The following DCT variants were observed in gnomAD, a reference collection of about 807,000 sequenced individuals.
DCT encodes L-dopachrome tautomerase.
A neutral mutation model predicts 53.0 loss-of-function variants in DCT; 47 were observed. The observed-to-expected ratio is 0.89, with a 90% CI of 0.70 to 1.13. The LOEUF is 1.13. Ranked by LOEUF, DCT falls within the 50% of genes most tolerant of loss-of-function variation. The pLI is 0.00. For missense variants in DCT, 669 were observed against 637.4 expected (o/e 1.05, Z -0.53); for synonymous variants, 244 against 237.0 (o/e 1.03, Z -0.27).
At chr13:94,455,916 G>A (rs1314181525) in intron 6 of DCT, among the ~76,000 whole-genome samples, 4 of 152,170 alleles carry the variant, frequency 2.6e-5, no homozygotes, top group African/African-American at 9.7e-5. Flanking sequence ...TGTATAAATT[G>A]TACAGTTGAC....
rs140526064 is a variant in DCT, at chr13:94,443,228, CA to C, written c.1381+207del. On this transcript the variant is annotated intron_variant, in intron 7 of 7. Transcript: ENST00000377028. ...ACTTTCAGTTTTCTAAAACAAGAGT[CA>C]GCTCATTAGTCCCTTTCTGATGTTT... is the stretch of plus-strand genomic sequence containing the variant. Among the ~76,000 whole-genome samples, 1,249 of 152,328 alleles carry C rather than the reference CA, an allele frequency of 8.2e-3. 10 individuals carry two copies. The highest frequency in any genetic ancestry group is 0.028 in the African/African-American group (1,170 of 41,560).
At chr13:94,521,387 G>A in the DCT span, among the ~76,000 whole-genome samples, 1 of 152,112 alleles carries the variant, frequency 6.6e-6, no homozygotes, top group Non-Finnish European at 1.5e-5. Flanking sequence ...GAACCCTTTA[G>A]TGGCCGGGCA....
chr13:94,444,390 C>T lies in DCT; in HGVS notation c.1180-753G>A, dbSNP rs764211768. 4 of 517,568 alleles carry T rather than the reference C, an allele frequency of 7.7e-6. No individual in the cohort carries two copies. The East Asian group carries it at 2.2e-4, about 28-fold the overall frequency. The allele number at this position is 517,568 out of a possible 1,614,324, so 32.1% of individuals were successfully genotyped here. On this transcript the variant is annotated intron_variant, in intron 6 of 7. Transcript: ENST00000377028. Reference sequence around the variant, plus strand: ...GGAATACTCTTCTGTCTACTCATTTCATAAACTCTCACTTGAATTCTTGCT... The same window carrying T: ...GGAATACTCTTCTGTCTACTCATTTTATAAACTCTCACTTGAATTCTTGCT...
chr13:94,489,689 G>A, the DCT span, among the ~76,000 whole-genome samples: 6,301 of 151,974 alleles, frequency 0.041, 165 homozygotes, highest in South Asian at 0.1. Flanking sequence ...CAGCCAGGAA[G>A]GGGTGAAAGA....
chr13:94,482,761 T>G (rs1486669411), upstream of DCT, among the ~76,000 whole-genome samples: 1 of 152,214 alleles, frequency 6.6e-6, no homozygotes, highest in African/African-American at 2.4e-5. Context: ...ATGCTTTTAT[T>G]TTGAATATAT....
At chr13:94,465,394 C>A (rs2139339143) in intron 4 of DCT, 2 of 315,928 alleles carry the variant, frequency 6.3e-6, no homozygotes, top group Admixed American at 4.8e-5. Flanking sequence ...TAAAACTAAC[C>A]TGATCTCAAA....
the DCT span, among the ~76,000 whole-genome samples, chr13:94,544,212 C>A: frequency 3.9e-5 from 6 of 152,090 alleles, no homozygotes; most frequent in East Asian, 5.8e-4. Context: ...TTCAACTATG[C>A]CTCCTATCTC....
Position 94,479,365 on chromosome 13 carries a change from T to C in DCT, c.-110A>G, listed in dbSNP as rs887539310. ...CTTTTCTTTTCAGTATTTTTTATTTTTCTTTGCTTTCTATTCCTTTCTTCT... is the reference window on the plus strand; with the variant it reads ...CTTTTCTTTTCAGTATTTTTTATTTCTCTTTGCTTTCTATTCCTTTCTTCT... On this transcript the variant is annotated 5_prime_UTR_variant, in exon 1 of 8. Transcript: ENST00000377028. 1.7e-5 allele frequency: 18 copies of C among 1,047,308 alleles called. No individual in the cohort carries two copies. The South Asian group carries it at 3.2e-4, about 19-fold the overall frequency. The allele number at this position is 1,047,308 out of a possible 1,614,324, so 64.9% of individuals were successfully genotyped here.
chr13:94,490,915 G>A, the DCT span, among the ~76,000 whole-genome samples: 1 of 152,110 alleles, frequency 6.6e-6, no homozygotes, highest in South Asian at 2.1e-4. Context: ...ATTCAGGAAA[G>A]TTACCTATTT....
chr13:94,445,835 C>A (rs963710123), intron 6 of DCT: 2 of 1,085,626 alleles, frequency 1.8e-6, no homozygotes, highest in Admixed American at 2.0e-5. Context: ...AATTGGGACC[C>A]GCTGCCCCAT....
the DCT span, among the ~76,000 whole-genome samples, chr13:94,518,951 A>G: frequency 6.6e-6 from 1 of 152,112 alleles, no homozygotes; most frequent in Admixed American, 6.5e-5. Flanking sequence ...AGAATGCACC[A>G]AGTTCTTTCC....
At chr13:94,533,976 T>TTA in the DCT span, among the ~76,000 whole-genome samples, 1 of 152,112 alleles carries the variant, frequency 6.6e-6, no homozygotes, top group Non-Finnish European at 1.5e-5. Flanking sequence ...TATGTACACT[T>TTA]TGAGTGTAGG....
the DCT span, among the ~76,000 whole-genome samples, chr13:94,547,984 A>AAAAT: frequency 6.1e-5 from 4 of 65,846 alleles, no homozygotes; most frequent in African/African-American, 5.2e-4. Flanking sequence ...AAAAAAAAAA[A>AAAAT]ATATATATAT....
chr13:94,440,229 C>A (rs900094158), intron 7 of DCT, among the ~76,000 whole-genome samples, 153 bp from the exon 8 acceptor site: 4 of 152,208 alleles, frequency 2.6e-5, no homozygotes, highest in Admixed American at 1.3e-4. Flanking sequence ...TCCTTTCTCA[C>A]CATTTATCAT....
the DCT span, among the ~76,000 whole-genome samples, chr13:94,519,565 C>G: frequency 6.6e-6 from 1 of 152,140 alleles, no homozygotes; most frequent in African/African-American, 2.4e-5. Context: ...AGCATGGCCA[C>G]TGTAAAGTTA....
intron 1 of DCT, among the ~76,000 whole-genome samples, chr13:94,478,162 C>A (rs1885224315): frequency 7.3e-6 from 1 of 136,468 alleles, no homozygotes; most frequent in African/African-American, 2.6e-5. Context: ...CGCCCGCCCC[C>A]CCCACCCCCA....
At chr13:94,472,512 AC>A (rs1884710395) in intron 1 of DCT, among the ~76,000 whole-genome samples, 1 of 35,330 alleles carries the variant, frequency 2.8e-5, no homozygotes, top group African/African-American at 1.1e-4. Flanking sequence ...TTAAATATAT[AC>A]ATACATACAT....
At chr13:94,471,642 A>G (rs1456536095) in intron 1 of DCT, among the ~76,000 whole-genome samples, 8 of 152,228 alleles carry the variant, frequency 5.3e-5, no homozygotes, top group Non-Finnish European at 1.5e-5. Context: ...TGATTAAAAC[A>G]TATCACCTAC....
At chr13:94,535,930 C>T in the DCT span, among the ~76,000 whole-genome samples, 7 of 152,148 alleles carry the variant, frequency 4.6e-5, no homozygotes, top group African/African-American at 2.4e-5. Context: ...TCCTGCCACC[C>T]GTAGAGGCTC....
Sources: allele counts gnomAD v4.1 joint callset (sites outside exome capture counted in the v4.1 genomes callset), GRCh38; gene constraint gnomAD v4.1.1; transcripts MANE v1.5; gene names NCBI Gene and HGNC (gene_info 2026-07-23, HGNC 2026-07-21).